BCAS3: variants seen among roughly 807,000 people sequenced by gnomAD.
The protein encoded by BCAS3 is BCAS4/BCAS3 fusion.
BCAS3 carries 53 observed loss-of-function variants against 116.1 expected under a neutral mutation model. That is an observed-to-expected ratio of 0.46 (90% CI 0.37 to 0.57). BCAS3 has a LOEUF of 0.57. Among genes scored for constraint, BCAS3 ranks in the 20% least tolerant of loss-of-function variants. BCAS3 has a pLI of 0.00. For synonymous variants in BCAS3, 391 were observed against 408.2 expected (o/e 0.96, Z 0.51); for missense variants, 917 against 1,165.4 (o/e 0.79, Z 3.10).
chr17:61,292,516 G>C (rs1309480298), intron 22 of BCAS3, among the ~76,000 whole-genome samples: 2 of 152,104 alleles, frequency 1.3e-5, no homozygotes, highest in Admixed American at 6.6e-5. Context: ...GCCAGGCGTG[G>C]TGGTGGGTGC....
chr17:61,312,163 C>G (rs937572324), intron 22 of BCAS3, among the ~76,000 whole-genome samples: 1 of 152,128 alleles, frequency 6.6e-6, no homozygotes, highest in African/African-American at 2.4e-5. Context: ...CCCTCATTCA[C>G]CCCCTAGGTG....
chr17:60,942,433 AAAAAC>A (rs561377242), intron 13 of BCAS3, among the ~76,000 whole-genome samples: 15 of 152,158 alleles, frequency 9.9e-5, no homozygotes, highest in South Asian at 4.2e-4. Flanking sequence ...ATCTCCAAAC[AAAAAC>A]AAAACAAAAC....
At chr17:60,888,831 T>C (rs1194963688) in intron 9 of BCAS3, among the ~76,000 whole-genome samples, 2 of 147,022 alleles carry the variant, frequency 1.4e-5, no homozygotes, top group Non-Finnish European at 3.0e-5. Flanking sequence ...TCTCTATAAG[T>C]TTATTATTTT....
At chr17:60,975,142 C>T (rs2145366788) in intron 14 of BCAS3, among the ~76,000 whole-genome samples, 1 of 151,754 alleles carries the variant, frequency 6.6e-6, no homozygotes, top group East Asian at 1.9e-4. Flanking sequence ...GCTGGGACTA[C>T]AGGCGCCCGC....
chr17:60,779,595 C>G (rs2045618296), intron 6 of BCAS3, among the ~76,000 whole-genome samples: 1 of 152,182 alleles, frequency 6.6e-6, no homozygotes, highest in Admixed American at 6.5e-5. Flanking sequence ...TCTCGAACTC[C>G]TGACCTCAGG....
chr17:60,741,446 A>C (rs1212197942), intron 5 of BCAS3, among the ~76,000 whole-genome samples: 1 of 152,210 alleles, frequency 6.6e-6, no homozygotes, highest in South Asian at 2.1e-4. Flanking sequence ...GTACAAAAAA[A>C]CTCTACTTAT....
intron 7 of BCAS3, among the ~76,000 whole-genome samples, chr17:60,819,769 T>G (rs1468636019): frequency 6.7e-6 from 1 of 149,734 alleles, no homozygotes; most frequent in Non-Finnish European, 1.5e-5. Context: ...CCTTTCTTCC[T>G]CACTCTCTTT....
intron 12 of BCAS3, among the ~76,000 whole-genome samples, chr17:60,912,817 G>T (rs1227019072): frequency 6.6e-6 from 1 of 151,988 alleles, no homozygotes; most frequent in African/African-American, 2.4e-5. Context: ...CATTTATTGG[G>T]TAGTAACAAC....
chr17:60,933,476 T>TA (rs2145194869), intron 13 of BCAS3, among the ~76,000 whole-genome samples: 1 of 152,328 alleles, frequency 6.6e-6, no homozygotes, highest in South Asian at 2.1e-4. Context: ...CATCCATTAA[T>TA]AAGAGGAAAA....
chr17:61,047,669 C>T (rs1313150739), intron 19 of BCAS3, among the ~76,000 whole-genome samples: 1 of 151,940 alleles, frequency 6.6e-6, no homozygotes, highest in Non-Finnish European at 1.5e-5. Context: ...CAAAGATAAA[C>T]CATAGAACAT....
At chr17:61,290,406 G>A (rs778272124) in intron 22 of BCAS3, among the ~76,000 whole-genome samples, 27 of 152,186 alleles carry the variant, frequency 1.8e-4, no homozygotes, top group Non-Finnish European at 3.1e-4. Context: ...GCTGGCAGTG[G>A]GGTTTATTAT....
chr17:60,958,777 C>A (rs1567966366), intron 14 of BCAS3, among the ~76,000 whole-genome samples: 1 of 152,146 alleles, frequency 6.6e-6, no homozygotes, highest in Non-Finnish European at 1.5e-5. Flanking sequence ...ATGTCACTAC[C>A]TATATCAAGA....
intron 7 of BCAS3, among the ~76,000 whole-genome samples, chr17:60,843,046 C>A (rs550933581): frequency 6.6e-6 from 1 of 151,576 alleles, no homozygotes; most frequent in South Asian, 2.1e-4. Context: ...TAATTTTTAA[C>A]ATTTTTTTAT....
rs1029782083 is a variant in BCAS3 at position 61,348,029 on chromosome 17, T to C, written c.2426-20298T>C. 1.3e-5 allele frequency among the ~76,000 whole-genome samples: 2 copies of C among 152,148 alleles called. No homozygotes were observed. Among genetic ancestry groups the C allele is most frequent in the Admixed American group, 6.5e-5 (1 of 15,276 alleles). Reference sequence around the variant, plus strand: ...GTAGAAAAGGTCACCCAGGTGGCACTAGGAAGAATGAATTGAAGGGAAGCC... The same window carrying C: ...GTAGAAAAGGTCACCCAGGTGGCACCAGGAAGAATGAATTGAAGGGAAGCC... On this transcript the variant is annotated intron_variant, in intron 22 of 23. Transcript: ENST00000407086. This position sits in a 1 kb window ranked among gnomAD's most constrained non-coding sequence, Gnocchi z 4.5.
At chr17:60,809,604 G>A (rs1018200193) in intron 7 of BCAS3, among the ~76,000 whole-genome samples, 3 of 152,184 alleles carry the variant, frequency 2.0e-5, no homozygotes, top group African/African-American at 7.2e-5. Context: ...TCTCTGAGTG[G>A]CAGGTATTGC....
At chr17:60,943,404 G>A (rs1367654003) in intron 13 of BCAS3, among the ~76,000 whole-genome samples, 2 of 152,112 alleles carry the variant, frequency 1.3e-5, no homozygotes, top group African/African-American at 4.8e-5. Flanking sequence ...TATATACCAT[G>A]CAAGTACCAA....
At chr17:61,059,648 G>A (rs1171656949) in intron 19 of BCAS3, among the ~76,000 whole-genome samples, 8 of 152,174 alleles carry the variant, frequency 5.3e-5, no homozygotes, top group Non-Finnish European at 7.3e-5. Flanking sequence ...AAGAGAAAGC[G>A]TTTGTATTAT....
Position 60,746,440 on chromosome 17 carries a change from T to G in BCAS3, c.322-758T>G, listed in dbSNP as rs541492778. Among the ~76,000 whole-genome samples, 4 of 152,264 alleles carry G rather than the reference T, an allele frequency of 2.6e-5. No homozygotes were observed. In the South Asian group the frequency reaches 8.3e-4, roughly 32 times the overall value. On this transcript the variant is annotated intron_variant, in intron 5 of 23. Coordinates refer to ENST00000407086, the MANE Select transcript of BCAS3 (RefSeq NM_017679.5). ...CCTTTTGTTCTTCTTTTAAAAAAAT[T>G]TTTATCCCCCACAAAATGTCCTGAA...
intron 13 of BCAS3, among the ~76,000 whole-genome samples, chr17:60,946,582 T>TG (rs775916398): frequency 6.6e-6 from 1 of 152,044 alleles, no homozygotes; most frequent in Non-Finnish European, 1.5e-5. Flanking sequence ...GGGAGTTTCA[T>TG]GGGGGGTATG....
Sources: gnomAD v4.1 joint callset for allele counts (sites outside exome capture counted in the v4.1 genomes callset) on GRCh38, gnomAD v4.1.1 for gene constraint, Gnocchi (gnomAD v3.1) non-coding constraint, MANE v1.5 for transcripts, NCBI Gene and HGNC (gene_info 2026-07-23, HGNC 2026-07-21) for gene names.